HPSE2: variants seen among roughly 807,000 people sequenced by gnomAD.
HPSE2 encodes inactive heparanase-2.
In HPSE2, 38 loss-of-function variants were observed where a neutral mutation model predicts 60.5. That is an observed-to-expected ratio of 0.63 (90% CI 0.48 to 0.82). The LOEUF is 0.82. HPSE2 is among the 40% of genes least tolerant of loss of function. The pLI is 0.00. For synonymous variants in HPSE2, 295 were observed against 293.2 expected (o/e 1.01, Z -0.06); for missense variants, 713 against 740.4 (o/e 0.96, Z 0.43).
In HPSE2 at chr10:99,014,961, A is replaced by T. The variant is rs528081468; in HGVS notation, c.610+129277T>A. On this transcript the variant is annotated intron_variant, in intron 3 of 11. Transcript: ENST00000370552. ...AATATCCAGAATCTACAATGAACTC[A>T]AACAAATTTACAAGAAAAAAACAAC... 7.2e-5 allele frequency among the ~76,000 whole-genome samples: 11 copies of T among 152,362 alleles called. No homozygotes were observed. The East Asian group carries it at 1.2e-3, about 16-fold the overall frequency.
intron 3 of HPSE2, among the ~76,000 whole-genome samples, chr10:99,123,046 T>C (rs142129518): frequency 4.6e-5 from 7 of 152,268 alleles, no homozygotes; most frequent in South Asian, 2.1e-4. Context: ...AAAAACAGTG[T>C]AGACAAAGCT....
chr10:99,051,227 G>A (rs569799935), intron 3 of HPSE2, among the ~76,000 whole-genome samples: 93 of 152,256 alleles, frequency 6.1e-4, no homozygotes, highest in African/African-American at 1.3e-3. Flanking sequence ...TGATTGCAGT[G>A]AGCCGAGATC....
chr10:99,305,786 T>C, the HPSE2 span, among the ~76,000 whole-genome samples: 2 of 151,986 alleles, frequency 1.3e-5, no homozygotes, highest in Admixed American at 6.6e-5. Context: ...AATGAAAAGA[T>C]ACAAAATTTC....
intron 3 of HPSE2, among the ~76,000 whole-genome samples, chr10:98,751,678 C>A (rs1474168294): frequency 1.3e-5 from 2 of 152,142 alleles, no homozygotes; most frequent in African/African-American, 2.4e-5. Context: ...GTCACATGAA[C>A]AACAAAATCT....
intron 3 of HPSE2, among the ~76,000 whole-genome samples, chr10:99,004,506 T>G (rs878952816): frequency 1.3e-5 from 2 of 152,130 alleles, no homozygotes; most frequent in Non-Finnish European, 2.9e-5. Context: ...CCCAAAGATT[T>G]GATTGCATTA....
At chr10:98,637,038 C>T (rs1476255675) in intron 7 of HPSE2, among the ~76,000 whole-genome samples, 2 of 152,200 alleles carry the variant, frequency 1.3e-5, no homozygotes, top group Non-Finnish European at 2.9e-5. Context: ...TCCTTTGACT[C>T]ATCTCCCAAT....
intron 7 of HPSE2, among the ~76,000 whole-genome samples, chr10:98,633,972 C>T (rs935109889): frequency 6.6e-6 from 1 of 152,118 alleles, no homozygotes; most frequent in Non-Finnish European, 1.5e-5. Context: ...CTGAAACAAA[C>T]AGACTGAAAT....
intron 3 of HPSE2, among the ~76,000 whole-genome samples, chr10:98,752,078 C>G (rs1949770773): frequency 6.6e-6 from 1 of 152,156 alleles, no homozygotes; most frequent in African/African-American, 2.4e-5. Flanking sequence ...CTACTCACTG[C>G]TCTTAATATA....
At chr10:98,945,867 T>C (rs895296587) in intron 3 of HPSE2, among the ~76,000 whole-genome samples, 1 of 152,196 alleles carries the variant, frequency 6.6e-6, no homozygotes, top group Non-Finnish European at 1.5e-5. Context: ...AATATTTCAT[T>C]GTTCCCATTC....
chr10:98,763,482 A>G (rs1773175952), intron 3 of HPSE2, among the ~76,000 whole-genome samples: 1 of 149,662 alleles, frequency 6.7e-6, no homozygotes, highest in Middle Eastern at 3.4e-3. Context: ...AACATATTAC[A>G]TATAAGAGAA....
the HPSE2 span, among the ~76,000 whole-genome samples, chr10:99,290,511 G>C: frequency 1.3e-5 from 2 of 152,198 alleles, no homozygotes; most frequent in African/African-American, 4.8e-5. Flanking sequence ...TTACTGGAGA[G>C]ATGATCATGT....
chr10:99,004,770 T>C (rs979579681), intron 3 of HPSE2, among the ~76,000 whole-genome samples: 1 of 152,206 alleles, frequency 6.6e-6, no homozygotes. Context: ...GTATCACTAA[T>C]TAGTGTGCTT....
chr10:98,934,383 T>C (rs1244429210), intron 3 of HPSE2, among the ~76,000 whole-genome samples: 1 of 144,568 alleles, frequency 6.9e-6, no homozygotes, highest in Non-Finnish European at 1.5e-5. Context: ...TTGGTCTGTG[T>C]ACTTCAGTGT....
At chr10:98,548,462 T>C (rs1943760709) in intron 9 of HPSE2, among the ~76,000 whole-genome samples, 2 of 151,902 alleles carry the variant, frequency 1.3e-5, no homozygotes, top group South Asian at 2.1e-4. Flanking sequence ...ACTAAAAATA[T>C]AAAAATTAGC....
chr10:98,599,573 T>C (rs1025185724), intron 9 of HPSE2, among the ~76,000 whole-genome samples: 82 of 152,280 alleles, frequency 5.4e-4, no homozygotes, highest in African/African-American at 1.8e-3. Context: ...CTCAGTTTTA[T>C]TGGGTACAGT....
intron 3 of HPSE2, among the ~76,000 whole-genome samples, chr10:99,132,216 AGAGAGAGAG>A (rs1564833096): frequency 5.1e-4 from 15 of 29,318 alleles, no homozygotes; most frequent in African/African-American, 8.6e-4. Flanking sequence ...AGAGAGAGAG[AGAGAGAGAG>A]AGAGAGAGAG....
chr10:98,810,641 T>G (rs1436581004), intron 3 of HPSE2, among the ~76,000 whole-genome samples: 1 of 152,100 alleles, frequency 6.6e-6, no homozygotes, highest in African/African-American at 2.4e-5. Context: ...CACAGTGCCT[T>G]AAATGTATTA....
chr10:98,659,568 A>T (rs1947169221), intron 6 of HPSE2, among the ~76,000 whole-genome samples: 3 of 152,184 alleles, frequency 2.0e-5, no homozygotes, highest in Admixed American at 2.0e-4. Flanking sequence ...TCATCTGTTG[A>T]TGGACATTTG....
chr10:98,711,613 C>T (rs1019310949), intron 5 of HPSE2, among the ~76,000 whole-genome samples: 2 of 151,954 alleles, frequency 1.3e-5, no homozygotes, highest in Non-Finnish European at 2.9e-5. Flanking sequence ...AACCTATTTC[C>T]CAAAAGTGTT....
Sources: gnomAD v4.1 joint callset for allele counts (sites outside exome capture counted in the v4.1 genomes callset) on GRCh38, gnomAD v4.1.1 for gene constraint, MANE v1.5 for transcripts, NCBI Gene and HGNC (gene_info 2026-07-23, HGNC 2026-07-21) for gene names.